IDO2: variants seen among roughly 807,000 people sequenced by gnomAD.
IDO2 encodes indoleamine 2,3-dioxygenase 2, also known as indoleamine 2,3-dioxygenase-like 1 protein.
In IDO2, 46 loss-of-function variants were observed where a neutral mutation model predicts 45.1. The ratio of observed to expected loss-of-function variants is 1.02; its 90% CI spans 0.80 to 1.30. The LOEUF (loss-of-function observed/expected upper bound fraction) is 1.30, where lower values mean the gene tolerates loss of function less well. IDO2 is among the 50% of genes most tolerant of loss of function. The pLI is 0.00. For synonymous variants in IDO2, 218 were observed against 184.9 expected, an observed-to-expected ratio of 1.18 and a Z score of -1.45; for missense variants, 544 against 491.8, an observed-to-expected ratio of 1.11 and a Z score of -1.00.
intron 1 of IDO2, among the ~76,000 whole-genome samples, chr8:39,940,215 G>A (rs558313005): frequency 1.3e-5 from 2 of 152,322 alleles, no homozygotes; most frequent in South Asian, 4.1e-4. Flanking sequence ...GAGTAAAGCA[G>A]CGTGACCGAA....
chr8:39,994,189 T>C (rs1801992508), intron 8 of IDO2, among the ~76,000 whole-genome samples: 1 of 152,124 alleles, frequency 6.6e-6, no homozygotes, highest in South Asian at 2.1e-4. Context: ...GATAGTTGAT[T>C]TTGCTTAATT....
intron 8 of IDO2, among the ~76,000 whole-genome samples, chr8:39,999,985 A>C (rs955666293): frequency 6.6e-6 from 1 of 152,224 alleles, no homozygotes; most frequent in Non-Finnish European, 1.5e-5. Flanking sequence ...GAACTTCGTA[A>C]ATTGTGTGCC....
chr8:39,971,305 A>G (rs1187598411), intron 3 of IDO2, among the ~76,000 whole-genome samples: 3 of 152,154 alleles, frequency 2.0e-5, no homozygotes, highest in Non-Finnish European at 4.4e-5. Context: ...CTTTAAGCTC[A>G]CTGTTGCGAC....
At chr8:39,982,752 C>A in exon 5 of IDO2, 1 of 1,597,886 alleles carries the variant, frequency 6.3e-7, no homozygotes, top group Non-Finnish European at 8.5e-7. Flanking sequence ...ACGAACTGGA[C>A]CAAAAAAGAT....
exon 4 of IDO2, chr8:39,979,141 C>T (rs770449174): frequency 4.1e-5 from 66 of 1,602,532 alleles, no homozygotes; most frequent in Non-Finnish European, 5.4e-5. Flanking sequence ...TGAGCTTCCT[C>T]ACCATGGGTT....
exon 1 of IDO2, chr8:39,934,977 G>A (rs1807523791): frequency 3.1e-6 from 2 of 636,294 alleles, no homozygotes; most frequent in Non-Finnish European, 5.6e-6. Context: ...AGTTAAGAAA[G>A]CAGTAAGAAT....
Position 40,009,934 on chromosome 8 carries a change from C to T in IDO2, c.720-3631C>T, listed in dbSNP as rs1380133244. Among the ~76,000 whole-genome samples the T allele has an allele frequency of 3.3e-5, 5 of 152,248 alleles. No individual in the cohort carries two copies. In the East Asian group the frequency reaches 9.7e-4, roughly 29 times the overall value. ...TTATTTTTAAATCATTCATTTATCA[C>T]ATATTTAGTGAGTGCCTACCCCATG... On this transcript the variant is annotated intron_variant, in intron 9 of 10. Transcript: ENST00000502986.
chr8:39,961,383 T>C (rs1807994824), intron 2 of IDO2, among the ~76,000 whole-genome samples: 1 of 143,780 alleles, frequency 7.0e-6, no homozygotes, highest in Non-Finnish European at 1.5e-5. Context: ...AGTGCAGTGG[T>C]ACGATCTTGG....
At chr8:39,967,619 C>T (rs112150236) in intron 3 of IDO2, among the ~76,000 whole-genome samples, 31,138 of 151,940 alleles carry the variant, frequency 0.2, 4,651 homozygotes, top group African/African-American at 0.42. Flanking sequence ...TCCCGAGTAG[C>T]TGGGATTACA....
In IDO2 at chr8:39,987,875, CT is replaced by C. The variant is rs755134391; in HGVS notation, c.455del (p.Leu152ArgfsTer19). On this transcript the variant is annotated frameshift_variant, in exon 7 of 11. Coordinates refer to ENST00000502986, the Ensembl canonical transcript of IDO2. LOFTEE classifies it high-confidence loss of function. ...TGTGCTCCTCTCCTTCCCAAGGAAC[CT>C]GGAGACCATCATCTCATTTCCTGGG... 3.7e-6 allele frequency: 6 copies of C among 1,600,844 alleles called. No homozygotes were observed. In the South Asian group the frequency reaches 6.7e-5, roughly 18 times the overall value.
exon 1 of IDO2, chr8:39,935,149 T>C: frequency 6.3e-7 from 1 of 1,594,328 alleles, no homozygotes. Flanking sequence ...AATGAAAACC[T>C]TCTTAGGAAA....
At chr8:39,941,542 A>C (rs779531191) in intron 1 of IDO2, among the ~76,000 whole-genome samples, 1 of 152,170 alleles carries the variant, frequency 6.6e-6, no homozygotes, top group African/African-American at 2.4e-5. Flanking sequence ...GGCAGGACCT[A>C]AGATAGTTAC....
exon 11 of IDO2, chr8:40,015,698 G>C (rs1312185034): frequency 3.5e-6 from 3 of 858,116 alleles, no homozygotes; most frequent in Admixed American, 2.4e-5. Context: ...ATCCAGGAAG[G>C]ATCTCAGCCC....
At chr8:39,986,142 T>C (rs1259886518) in intron 6 of IDO2, 1 of 152,226 alleles carries the variant, frequency 6.6e-6, no homozygotes, top group Non-Finnish European at 1.5e-5. Context: ...AGTTTAATAG[T>C]GTGAAAAAAA....
intron 1 of IDO2, among the ~76,000 whole-genome samples, chr8:39,935,585 G>T (rs565251304): frequency 2.8e-4 from 42 of 152,136 alleles, no homozygotes; most frequent in Non-Finnish European, 5.1e-4. Context: ...AAGTAACTGG[G>T]ATTACAGGCG....
At chr8:39,963,557 C>A (rs1808031132) in intron 2 of IDO2, 51 bp from the exon 3 acceptor site, 2 of 1,064,226 alleles carry the variant, frequency 1.9e-6, no homozygotes, top group Non-Finnish European at 2.8e-6. Flanking sequence ...CTCTCGGAAG[C>A]CCCTTTCCAG....
At chr8:39,958,650 C>A (rs1483714066) in intron 2 of IDO2, among the ~76,000 whole-genome samples, 1 of 152,142 alleles carries the variant, frequency 6.6e-6, no homozygotes, top group Non-Finnish European at 1.5e-5. Flanking sequence ...GGGGTTTCAC[C>A]ATGATGGCCA....
chr8:39,962,115 C>T (rs959137233), intron 2 of IDO2, among the ~76,000 whole-genome samples: 1 of 152,184 alleles, frequency 6.6e-6, no homozygotes, highest in African/African-American at 2.4e-5. Context: ...AGTTTACTGT[C>T]CCTTGGGTGA....
intron 8 of IDO2, among the ~76,000 whole-genome samples, chr8:40,001,293 A>G (rs1802133874): frequency 8.0e-6 from 1 of 124,424 alleles, no homozygotes; most frequent in South Asian, 2.6e-4. Flanking sequence ...GCTCTGTTGC[A>G]GGCTAGAGTG....
Sources: gnomAD v4.1 joint callset for allele counts (sites outside exome capture counted in the v4.1 genomes callset) on GRCh38, gnomAD v4.1.1 for gene constraint, MANE v1.5 for transcripts, NCBI Gene and HGNC (gene_info 2026-07-23, HGNC 2026-07-21) for gene names.